ATXN7L1: variants seen among roughly 807,000 people sequenced by gnomAD.
The protein encoded by ATXN7L1 is ataxin 7 like 1.
A neutral mutation model predicts 70.8 loss-of-function variants in ATXN7L1; 15 were observed. The observed-to-expected ratio is 0.21, with a 90% CI of 0.14 to 0.33. The LOEUF (loss-of-function observed/expected upper bound fraction) is 0.33, where lower values mean the gene tolerates loss of function less well. ATXN7L1 is among the 10% of genes least tolerant of loss of function. The pLI is 1.00. For synonymous variants in ATXN7L1, 440 were observed against 445.1 expected (o/e 0.99, Z 0.14); for missense variants, 975 against 1,097.1 (o/e 0.89, Z 1.57).
At chr7:105,807,345 C>T (rs941161204) in intron 2 of ATXN7L1, among the ~76,000 whole-genome samples, 3 of 152,238 alleles carry the variant, frequency 2.0e-5, no homozygotes, top group Non-Finnish European at 4.4e-5. Context: ...AATTTGAACA[C>T]TGTGTGTCAA....
At chr7:105,819,791 G>A (rs1424764777) in intron 2 of ATXN7L1, 15 of 665,132 alleles carry the variant, frequency 2.3e-5, no homozygotes, top group Middle Eastern at 4.2e-4. Flanking sequence ...GCCCTGGAGC[G>A]CCTCAAGGTG....
chr7:105,860,471 A>G (rs867399844), intron 2 of ATXN7L1, among the ~76,000 whole-genome samples: 7 of 152,176 alleles, frequency 4.6e-5, no homozygotes, highest in Non-Finnish European at 8.8e-5. Flanking sequence ...ATCCACTTGA[A>G]CAGAAACTTT....
intron 3 of ATXN7L1, among the ~76,000 whole-genome samples, chr7:105,754,797 C>A (rs992305722): frequency 2.0e-5 from 3 of 152,168 alleles, no homozygotes; most frequent in Non-Finnish European, 2.9e-5. Flanking sequence ...TCACTGAGCA[C>A]CTACTATGTG....
At chr7:105,682,010 A>G (rs1457063003) in intron 3 of ATXN7L1, among the ~76,000 whole-genome samples, 1 of 152,148 alleles carries the variant, frequency 6.6e-6, no homozygotes, top group Non-Finnish European at 1.5e-5. Context: ...GGATCTTTTG[A>G]GTTCAGGAGA....
intron 2 of ATXN7L1, among the ~76,000 whole-genome samples, chr7:105,811,838 C>T (rs2190450): frequency 0.064 from 9,741 of 152,150 alleles, 521 homozygotes; most frequent in East Asian, 0.26. Context: ...TTCCCTGGCC[C>T]CATGGCTCCT....
intron 9 of ATXN7L1, among the ~76,000 whole-genome samples, chr7:105,619,140 G>GTCTTTTTTTTTTTTTTT (rs1794377647): frequency 2.0e-5 from 1 of 49,846 alleles, no homozygotes; most frequent in Non-Finnish European, 3.3e-5. Flanking sequence ...GAAATCTTTA[G>GTCTTTTTTTTTTTTTTT]TTTTTTTTTT....
chr7:105,765,761 T>C (rs549598315), intron 3 of ATXN7L1, among the ~76,000 whole-genome samples: 2 of 152,348 alleles, frequency 1.3e-5, no homozygotes, highest in South Asian at 4.1e-4. Context: ...AAACTTCTTA[T>C]GGTCACCAGC....
At chr7:105,865,620 A>C (rs560445765) in intron 2 of ATXN7L1, among the ~76,000 whole-genome samples, 20 of 152,092 alleles carry the variant, frequency 1.3e-4, no homozygotes, top group East Asian at 5.8e-4. Flanking sequence ...CCAGGATGGT[A>C]TCGATCTCCT....
At chr7:105,768,373 A>G (rs1238140634) in intron 3 of ATXN7L1, among the ~76,000 whole-genome samples, 2 of 152,198 alleles carry the variant, frequency 1.3e-5, no homozygotes, top group East Asian at 1.9e-4. Flanking sequence ...CTTGCATACA[A>G]TTCTCTCTCC....
chr7:105,823,391 A>C (rs949203310), intron 2 of ATXN7L1, among the ~76,000 whole-genome samples: 2 of 152,216 alleles, frequency 1.3e-5, no homozygotes, highest in Non-Finnish European at 2.9e-5. Flanking sequence ...ATGGGTTCAC[A>C]GGTGTCTGCA....
intron 2 of ATXN7L1, among the ~76,000 whole-genome samples, chr7:105,875,450 C>A (rs74605194): frequency 6.6e-6 from 1 of 152,044 alleles, no homozygotes; most frequent in Non-Finnish European, 1.5e-5. Context: ...CATTCACCCA[C>A]GAGAAAGGCT....
chr7:105,691,832 C>T (rs62487040), intron 3 of ATXN7L1, among the ~76,000 whole-genome samples: 25,750 of 152,064 alleles, frequency 0.17, 2,790 homozygotes, highest in Middle Eastern at 0.3. Context: ...ACCAGCTATC[C>T]GCGCTTGCAC....
intron 3 of ATXN7L1, among the ~76,000 whole-genome samples, chr7:105,740,026 A>T (rs1797829893): frequency 6.6e-6 from 1 of 152,244 alleles, no homozygotes; most frequent in Admixed American, 6.5e-5. Flanking sequence ...TACTGTATAT[A>T]TAGCTCCACA....
intron 3 of ATXN7L1, among the ~76,000 whole-genome samples, chr7:105,682,336 G>GT (rs1173148455): frequency 1.6e-4 from 25 of 152,254 alleles, no homozygotes; most frequent in African/African-American, 5.8e-4. Flanking sequence ...AGATGGGTAA[G>GT]TTTCACGTTA....
intron 3 of ATXN7L1, among the ~76,000 whole-genome samples, chr7:105,753,783 C>T (rs1447970405): frequency 6.6e-6 from 1 of 152,224 alleles, no homozygotes. Flanking sequence ...TCAGGCAGTG[C>T]TGCTCTATGT....
intron 2 of ATXN7L1, among the ~76,000 whole-genome samples, chr7:105,818,089 A>G (rs980266462): frequency 3.9e-5 from 6 of 152,234 alleles, no homozygotes; most frequent in African/African-American, 1.4e-4. Context: ...AAGCATTCCA[A>G]AAGCATTCTG....
intron 3 of ATXN7L1, among the ~76,000 whole-genome samples, chr7:105,770,735 C>T (rs968955099): frequency 6.6e-6 from 1 of 152,142 alleles, no homozygotes; most frequent in Non-Finnish European, 1.5e-5. Context: ...TAATCCTGAA[C>T]CCCAACCCCT....
intron 11 of ATXN7L1, 133 bp from the exon 12 acceptor site, chr7:105,608,023 G>T: frequency 1.2e-6 from 1 of 802,952 alleles, no homozygotes; most frequent in Non-Finnish European, 2.0e-6. Context: ...ATCCAGCAAA[G>T]GGCAGCTGGA....
intron 3 of ATXN7L1, chr7:105,691,530 G>C (rs539222467): frequency 6.6e-6 from 1 of 151,982 alleles, no homozygotes; most frequent in Non-Finnish European, 1.5e-5. Flanking sequence ...CATCCTGCTA[G>C]AAGAAGAAAT....
Sources: allele counts gnomAD v4.1 joint callset (sites outside exome capture counted in the v4.1 genomes callset), GRCh38; gene constraint gnomAD v4.1.1; transcripts MANE v1.5; gene names NCBI Gene and HGNC (gene_info 2026-07-23, HGNC 2026-07-21).